The following ASXL2 variants were observed in gnomAD, a reference collection of about 807,000 sequenced individuals.
ASXL2 encodes putative Polycomb group protein ASXL2.
A neutral mutation model predicts 122.0 loss-of-function variants in ASXL2; 23 were observed. That is an observed-to-expected ratio of 0.19 (90% CI 0.14 to 0.27). The LOEUF is 0.27. ASXL2 is among the 10% of genes least tolerant of loss of function. The pLI, the probability that ASXL2 is intolerant of heterozygous loss-of-function variation, is 1.00. For synonymous variants in ASXL2, 650 were observed against 637.0 expected (o/e 1.02, Z -0.31); for missense variants, 1,518 against 1,713.8 (o/e 0.89, Z 2.02).
At chr2:25,829,141 A>G (rs1380371198) in intron 3 of ASXL2, among the ~76,000 whole-genome samples, 1 of 152,258 alleles carries the variant, frequency 6.6e-6, no homozygotes, top group East Asian at 1.9e-4. Context: ...GTACACCTGT[A>G]ATACCACCTA....
chr2:25,755,148 A>G (rs2088112111), intron 10 of ASXL2, among the ~76,000 whole-genome samples: 1 of 152,234 alleles, frequency 6.6e-6, no homozygotes, highest in Admixed American at 6.5e-5. Flanking sequence ...TGTATACTGA[A>G]AAACAGATGT....
chr2:25,744,285 GGCGGCTGCAGCAGCT>G lies in ASXL2; in HGVS notation c.2037_2051del (p.Ala680_Ala684del). 2 of 1,612,258 alleles carry G rather than the reference GGCGGCTGCAGCAGCT, an allele frequency of 1.2e-6. No homozygotes were observed. Among genetic ancestry groups the G allele is most frequent in the East Asian group, 2.2e-5 (1 of 44,870 alleles). ...GTCCTGGAATGGTCCCTCCAACTGA[GGCGGCTGCAGCAGCT>G]GCGGCGGCAGCGGCAGCTGCTGCCC... On this transcript the variant is annotated inframe_deletion, in exon 13 of 13. Transcript: ENST00000435504. This position sits in a 1 kb window ranked among gnomAD's most constrained non-coding sequence, Gnocchi z 4.7.
chr2:25,849,756 T>G (rs983459618), intron 1 of ASXL2, among the ~76,000 whole-genome samples: 1 of 152,120 alleles, frequency 6.6e-6, no homozygotes, highest in African/African-American at 2.4e-5. Context: ...TCCAGGCTGG[T>G]CTCAAATTCC....
At chr2:25,765,994 T>C (rs1458343117) in intron 8 of ASXL2, among the ~76,000 whole-genome samples, 1 of 152,204 alleles carries the variant, frequency 6.6e-6, no homozygotes, top group Non-Finnish European at 1.5e-5. Context: ...TTTTTTTATT[T>C]TTTATTTTTT....
intron 4 of ASXL2, among the ~76,000 whole-genome samples, chr2:25,802,096 T>C: frequency 6.6e-6 from 1 of 152,240 alleles, no homozygotes; most frequent in East Asian, 1.9e-4. Context: ...TTTCCAACTG[T>C]GCCCTTGCTT....
At chr2:25,794,189 A>C (rs1478066484) in intron 5 of ASXL2, among the ~76,000 whole-genome samples, 1 of 152,250 alleles carries the variant, frequency 6.6e-6, no homozygotes, top group South Asian at 2.1e-4. Flanking sequence ...CTGAACAAGC[A>C]GTAAAATTAA....
intron 2 of ASXL2, among the ~76,000 whole-genome samples, chr2:25,841,325 G>A (rs2089575735): frequency 6.6e-6 from 1 of 152,062 alleles, no homozygotes; most frequent in South Asian, 2.1e-4. Flanking sequence ...GACACATCAC[G>A]GCAGCGAGAG....
chr2:25,779,965 T>A (rs2088607338), intron 5 of ASXL2, among the ~76,000 whole-genome samples: 2 of 152,202 alleles, frequency 1.3e-5, no homozygotes, highest in Admixed American at 1.3e-4. Context: ...CCTCCCAGGT[T>A]CAAGCAATTC....
rs146185742 is a variant in ASXL2 at position 25,777,589 on chromosome 2, A to T, written c.404-6049T>A. 2.8e-3 allele frequency among the ~76,000 whole-genome samples: 367 copies of T among 128,828 alleles called. 2 individuals carry two copies. The highest frequency in any genetic ancestry group is 0.012 in the African/African-American group (350 of 28,992). The allele number at this position is 128,828 out of a possible 152,430, so 84.5% of individuals were successfully genotyped here. A position where few individuals can be genotyped will look rare whatever the true frequency, so the allele number is the denominator to read the frequency against. ...ACAGTATGAGACCCTATCGTTTAAT[A>T]AAAAAAAAAAGAGACTTAAAGATTT... On this transcript the variant is annotated intron_variant, in intron 5 of 12. Transcript: ENST00000435504.
At chr2:25,796,146 G>C (rs193127089) in intron 5 of ASXL2, among the ~76,000 whole-genome samples, 2 of 152,260 alleles carry the variant, frequency 1.3e-5, no homozygotes, top group African/African-American at 4.8e-5. Context: ...ATTCTCTCCA[G>C]GAGTAGCAAA....
intron 5 of ASXL2, among the ~76,000 whole-genome samples, chr2:25,786,736 C>T (rs1358791916): frequency 2.0e-5 from 3 of 151,950 alleles, no homozygotes; most frequent in East Asian, 3.9e-4. Flanking sequence ...CACCTGTAAT[C>T]GCAGCTACTC....
At chr2:25,810,998 G>A (rs952053239) in intron 3 of ASXL2, among the ~76,000 whole-genome samples, 8 of 151,476 alleles carry the variant, frequency 5.3e-5, no homozygotes, top group East Asian at 3.9e-4. Context: ...AGGCTGAGGC[G>A]GGTGGATCTC....
intron 1 of ASXL2, among the ~76,000 whole-genome samples, chr2:25,863,072 T>C (rs1170810215): frequency 6.7e-6 from 1 of 149,232 alleles, no homozygotes; most frequent in Admixed American, 6.6e-5. Context: ...GCTCACGCCT[T>C]TAATCCCAGC....
intron 10 of ASXL2, among the ~76,000 whole-genome samples, chr2:25,755,756 C>T (rs1466424651): frequency 6.6e-6 from 1 of 152,162 alleles, no homozygotes; most frequent in Non-Finnish European, 1.5e-5. Context: ...TCTTTAGGAG[C>T]AGGGCCCAAA....
At chr2:25,763,601 G>A (rs1336599482) in intron 8 of ASXL2, among the ~76,000 whole-genome samples, 1 of 152,164 alleles carries the variant, frequency 6.6e-6, no homozygotes, top group Non-Finnish European at 1.5e-5. Flanking sequence ...GTCAAAAAAA[G>A]GAGGTCTCAG....
At chr2:25,816,380 T>G (rs1426382370) in intron 3 of ASXL2, among the ~76,000 whole-genome samples, 2 of 152,266 alleles carry the variant, frequency 1.3e-5, no homozygotes, top group African/African-American at 4.8e-5. Context: ...TCGTGTGACC[T>G]TGCAGTACGT....
chr2:25,738,268 T>C lies in ASXL2; in HGVS notation c.*3761A>G, dbSNP rs533484723. The C allele has an allele frequency of 6.6e-6, 1 of 152,244 alleles. No homozygotes were observed. The highest frequency in any genetic ancestry group is 6.5e-5 in the Admixed American group (1 of 15,284). The allele number at this position is 152,244 out of a possible 1,614,324, so 9.4% of individuals were successfully genotyped here. A position where few individuals can be genotyped will look rare whatever the true frequency, so the allele number is the denominator to read the frequency against. ...ATCAAATGTAAAGCATTAAAAAAAA[T>C]AAAGTAACCAAGAATCTACGAAGCT... On this transcript the variant is annotated 3_prime_UTR_variant, in exon 13 of 13. Coordinates refer to ENST00000435504, the MANE Select transcript of ASXL2 (RefSeq NM_018263.6).
intron 3 of ASXL2, among the ~76,000 whole-genome samples, chr2:25,807,982 C>T (rs1017935793): frequency 2.1e-4 from 28 of 130,330 alleles, no homozygotes; most frequent in African/African-American, 7.8e-4. Context: ...AATTAATCAG[C>T]TTTTACACAC....
At chr2:25,796,767 A>C (rs1574421253) in intron 5 of ASXL2, among the ~76,000 whole-genome samples, 1 of 152,222 alleles carries the variant, frequency 6.6e-6, no homozygotes, top group Non-Finnish European at 1.5e-5. Context: ...ATGACTTAAG[A>C]CCTTAAGAAC....
Sources: allele counts gnomAD v4.1 joint callset (sites outside exome capture counted in the v4.1 genomes callset), GRCh38; gene constraint gnomAD v4.1.1; non-coding constraint Gnocchi (gnomAD v3.1); transcripts MANE v1.5; gene names NCBI Gene and HGNC (gene_info 2026-07-23, HGNC 2026-07-21).